The following TXNDC16 variants were observed in gnomAD, a reference collection of about 807,000 sequenced individuals.
TXNDC16 encodes the protein thioredoxin domain containing 16, also known as thioredoxin domain-containing protein 16.
A neutral mutation model predicts 85.6 loss-of-function variants in TXNDC16; 74 were observed. That is an observed-to-expected ratio of 0.86 (90% confidence interval 0.72 to 1.05). The LOEUF (loss-of-function observed/expected upper bound fraction) is 1.05, where lower values mean the gene tolerates loss of function less well. Among genes scored for constraint, TXNDC16 ranks in the 50% least tolerant of loss-of-function variants. The pLI is 0.00. For missense variants in TXNDC16, 959 were observed against 947.0 expected, an observed-to-expected ratio of 1.01 and a Z score of -0.17; for synonymous variants, 335 against 326.5, an observed-to-expected ratio of 1.03 and a Z score of -0.28.
intron 14 of TXNDC16, among the ~76,000 whole-genome samples, chr14:52,474,526 T>C (rs578044463): frequency 1.1e-4 from 17 of 152,260 alleles, no homozygotes; most frequent in Non-Finnish European, 2.2e-4. Context: ...GTGGATTACC[T>C]GAGGTCAGCA....
intron 11 of TXNDC16, among the ~76,000 whole-genome samples, chr14:52,489,061 T>C (rs1417665146): frequency 6.6e-6 from 1 of 152,142 alleles, no homozygotes; most frequent in African/African-American, 2.4e-5. Flanking sequence ...CTGAAGTCTG[T>C]AAAGCATTTC....
intron 6 of TXNDC16, among the ~76,000 whole-genome samples, chr14:52,530,652 GTA>G (rs1271129562): frequency 2.6e-5 from 3 of 113,830 alleles, no homozygotes; most frequent in African/African-American, 1.0e-4. Context: ...AAATACCTAG[GTA>G]TATATATGTG....
At chr14:52,515,839 C>T (rs2037071221) in intron 7 of TXNDC16, among the ~76,000 whole-genome samples, 1 of 151,966 alleles carries the variant, frequency 6.6e-6, no homozygotes, top group Non-Finnish European at 1.5e-5. Context: ...CATCCCAACT[C>T]TCCCAATATA....
At chr14:52,481,723 T>C (rs1594715230) in intron 14 of TXNDC16, among the ~76,000 whole-genome samples, 1 of 152,178 alleles carries the variant, frequency 6.6e-6, no homozygotes, top group East Asian at 1.9e-4. Flanking sequence ...CCTTGGATCT[T>C]TATTTGCCCA....
At chr14:52,521,599 T>C (rs2037213271) in intron 6 of TXNDC16, among the ~76,000 whole-genome samples, 1 of 152,156 alleles carries the variant, frequency 6.6e-6, no homozygotes, top group Non-Finnish European at 1.5e-5. Context: ...ACTATAAAAA[T>C]ATTTCCACTC....
At chr14:52,482,050 C>T (rs1009354210) in intron 14 of TXNDC16, among the ~76,000 whole-genome samples, 180 bp downstream of exon 14, 3 of 152,078 alleles carry the variant, frequency 2.0e-5, no homozygotes, top group Non-Finnish European at 4.4e-5. Flanking sequence ...TCTATGAAGA[C>T]AAATCAAAGT....
At chr14:52,548,435 G>A (rs938659210) in intron 1 of TXNDC16, among the ~76,000 whole-genome samples, 25 of 152,226 alleles carry the variant, frequency 1.6e-4, no homozygotes, top group East Asian at 1.9e-4. Flanking sequence ...GAAACACTGC[G>A]CCTGGGGTGT....
intron 1 of TXNDC16, among the ~76,000 whole-genome samples, chr14:52,548,575 A>T (rs1271987194): frequency 6.6e-6 from 1 of 152,122 alleles, no homozygotes; most frequent in Non-Finnish European, 1.5e-5. Context: ...CACAACCCTC[A>T]TTCTTTCTGC....
intron 9 of TXNDC16, among the ~76,000 whole-genome samples, chr14:52,502,027 T>G (rs374105635): frequency 2.1e-4 from 32 of 152,376 alleles, no homozygotes; most frequent in African/African-American, 7.7e-4. Context: ...TTCTGGTCTA[T>G]GAAAGTCCAC....
intron 9 of TXNDC16, among the ~76,000 whole-genome samples, chr14:52,496,823 C>A (rs1286338596): frequency 6.6e-6 from 1 of 151,906 alleles, no homozygotes; most frequent in African/African-American, 2.4e-5. Context: ...TTTGCTCAGG[C>A]TGGTCTCAAA....
At chr14:52,439,434 T>C in intron 19 of TXNDC16, 40 bp from the exon 20 acceptor site, 2 of 1,522,620 alleles carry the variant, frequency 1.3e-6, no homozygotes, top group African/African-American at 1.4e-5. Context: ...TATTTCTTTC[T>C]ACAACAAAAT....
chr14:52,519,435 A>G, intron 6 of TXNDC16, 142 bp from the exon 7 acceptor site: 1 of 617,068 alleles, frequency 1.6e-6, no homozygotes, highest in Non-Finnish European at 2.7e-6. Context: ...CATTTTAATA[A>G]TACTAAATTA....
chr14:52,432,182 T>TATA lies in TXNDC16; in HGVS notation c.*119_*121dup. On this transcript the variant is annotated 3_prime_UTR_variant, in exon 21 of 21. Transcript: ENST00000281741. ...AAAATTTTAAATAAAATATGTGACTTATATTATAATTCTATTGGATGGCAC... is the reference window on the plus strand; with the variant it reads ...AAAATTTTAAATAAAATATGTGACTTATAATATTATAATTCTATTGGATGGCAC... 1.2e-6 allele frequency: 1 copy of TATA among 800,606 alleles called. No individual in the cohort carries two copies. The highest frequency in any genetic ancestry group is 1.8e-6 in the Non-Finnish European group (1 of 557,340). The allele number at this position is 800,606 out of a possible 1,614,324, so 49.6% of individuals were successfully genotyped here. A position where few individuals can be genotyped will look rare whatever the true frequency, so the allele number is the denominator to read the frequency against.
chr14:52,496,174 G>T (rs896345198), intron 9 of TXNDC16, among the ~76,000 whole-genome samples: 1 of 150,774 alleles, frequency 6.6e-6, no homozygotes, highest in Non-Finnish European at 1.5e-5. Flanking sequence ...AAAAAAAAAA[G>T]AGACAGATCA....
chr14:52,470,644 G>A lies in TXNDC16; in HGVS notation c.1349C>T (p.Ala450Val), dbSNP rs1303380198. 1.2e-6 allele frequency: 2 copies of A among 1,612,166 alleles called. No homozygotes were observed. Among genetic ancestry groups the A allele is most frequent in the Admixed American group, 1.7e-5 (1 of 59,860 alleles). Reference protein sequence around the residue: ...STMLLTRINCADWSDVCTKQN... With the variant: ...STMLLTRINCVDWSDVCTKQN... Reference sequence around the variant, plus strand: ...CTTAGTACATACATCAGACCAATCTGCACAGTTTATTCTAGTAAGAAGCAT... The same window carrying A: ...CTTAGTACATACATCAGACCAATCTACACAGTTTATTCTAGTAAGAAGCAT... The change falls in exon 15 of 21, where the codon GCA becomes GTA. Residue 450 changes from alanine to valine, a missense_variant. Ala to Val is a moderately conservative substitution (Grantham distance 64). Coordinates refer to ENST00000281741, the MANE Select transcript of TXNDC16 (RefSeq NM_020784.3).
intron 9 of TXNDC16, among the ~76,000 whole-genome samples, chr14:52,500,485 A>G (rs1221533318): frequency 2.0e-5 from 3 of 152,226 alleles, no homozygotes; most frequent in Non-Finnish European, 4.4e-5. Flanking sequence ...TGTGTGTTCA[A>G]TGAGTATAGA....
At chr14:52,461,200 AATTAT>A (rs2035644943) in intron 16 of TXNDC16, among the ~76,000 whole-genome samples, 1 of 151,654 alleles carries the variant, frequency 6.6e-6, no homozygotes, top group Non-Finnish European at 1.5e-5. Flanking sequence ...TAGTAGTTTT[AATTAT>A]ATTATGTTAG....
intron 18 of TXNDC16, among the ~76,000 whole-genome samples, chr14:52,443,105 T>C (rs2035202903): frequency 6.6e-6 from 1 of 152,134 alleles, no homozygotes; most frequent in Non-Finnish European, 1.5e-5. Flanking sequence ...GATTAACATT[T>C]GAGTCGGTGG....
rs1338438715 is a variant in TXNDC16, at chr14:52,430,706, C to T, written c.*1598G>A. 1 of 152,176 alleles carries T rather than the reference C, an allele frequency of 6.6e-6. No individual in the cohort carries two copies. The highest frequency in any genetic ancestry group is 2.4e-5 in the African/African-American group (1 of 41,432). The allele number at this position is 152,176 out of a possible 1,614,324, so 9.4% of individuals were successfully genotyped here. A position where few individuals can be genotyped will look rare whatever the true frequency, so the allele number is the denominator to read the frequency against. On this transcript the variant is annotated 3_prime_UTR_variant, in exon 21 of 21. Coordinates refer to ENST00000281741, the MANE Select transcript of TXNDC16 (RefSeq NM_020784.3). The stretch of plus-strand genomic sequence containing the variant: ...AATTTCATGTTTCTATGTGCTGGTA[C>T]TTAATTAGCATTTTCTAATAATTAG...
Sources: allele counts gnomAD v4.1 joint callset (sites outside exome capture counted in the v4.1 genomes callset), GRCh38; gene constraint gnomAD v4.1.1; transcripts MANE v1.5; gene names NCBI Gene and HGNC (gene_info 2026-07-23, HGNC 2026-07-21).